The following RSPO2 variants were observed in gnomAD, a reference collection of about 807,000 sequenced individuals.
The protein encoded by RSPO2 is R-spondin 2, also known as R-spondin-2.
RSPO2 carries 14 observed loss-of-function variants against 30.9 expected under a neutral mutation model. The observed-to-expected ratio is 0.45, with a 90% confidence interval of 0.30 to 0.71. The LOEUF (loss-of-function observed/expected upper bound fraction) is 0.71, where lower values mean the gene tolerates loss of function less well. RSPO2 is among the 30% of genes least tolerant of loss of function. The pLI, the probability that RSPO2 is intolerant of heterozygous loss-of-function variation, is 0.08. For missense variants in RSPO2, 264 were observed against 301.9 expected (o/e 0.87, Z 0.93); for synonymous variants, 107 against 96.4 (o/e 1.11, Z -0.64).
intron 5 of RSPO2, among the ~76,000 whole-genome samples, chr8:107,934,371 C>CTT (rs3039296): frequency 7.1e-6 from 1 of 141,834 alleles, no homozygotes. Context: ...TCTCATTTCC[C>CTT]TTTTTTTTTT....
chr8:108,042,860 C>T (rs191096323), intron 2 of RSPO2, among the ~76,000 whole-genome samples: 46 of 152,218 alleles, frequency 3.0e-4, no homozygotes, highest in Admixed American at 2.0e-3. Context: ...TTAGACCCTC[C>T]TTCCTTCACA....
At chr8:107,946,874 C>T (rs533529452) in intron 5 of RSPO2, among the ~76,000 whole-genome samples, 1 of 152,184 alleles carries the variant, frequency 6.6e-6, no homozygotes, top group Non-Finnish European at 1.5e-5. Context: ...CATACAAAGA[C>T]ATCCACCATC....
chr8:107,958,732 G>A (rs1179541890), intron 4 of RSPO2, among the ~76,000 whole-genome samples: 1 of 152,014 alleles, frequency 6.6e-6, no homozygotes, highest in Non-Finnish European at 1.5e-5. Context: ...AGTGTGTGTT[G>A]TTTCCCGCCA....
chr8:108,043,857 A>G (rs1464894873), intron 2 of RSPO2, among the ~76,000 whole-genome samples: 1 of 152,136 alleles, frequency 6.6e-6, no homozygotes, highest in East Asian at 1.9e-4. Flanking sequence ...TGTGCAAAAC[A>G]TTGTCTTAAT....
At chr8:108,050,633 T>C (rs1261325263) in intron 2 of RSPO2, among the ~76,000 whole-genome samples, 1 of 152,170 alleles carries the variant, frequency 6.6e-6, no homozygotes, top group East Asian at 1.9e-4. Context: ...AAATCCCATT[T>C]GGAATGAACA....
intron 2 of RSPO2, among the ~76,000 whole-genome samples, chr8:108,049,217 T>C (rs1187721610): frequency 6.6e-6 from 1 of 151,902 alleles, no homozygotes; most frequent in East Asian, 1.9e-4. Flanking sequence ...CTGCACGTTC[T>C]GCACATGTAC....
intron 3 of RSPO2, among the ~76,000 whole-genome samples, chr8:107,965,827 G>A (rs567349620): frequency 3.3e-5 from 5 of 152,286 alleles, no homozygotes; most frequent in African/African-American, 1.2e-4. Flanking sequence ...AGCCATACTT[G>A]TTGTAAAGAA....
chr8:108,062,890 T>C (rs189830678), intron 2 of RSPO2, among the ~76,000 whole-genome samples: 9 of 151,930 alleles, frequency 5.9e-5, no homozygotes, highest in African/African-American at 2.2e-4. Context: ...CGCAAATCAA[T>C]AAATGTAATC....
chr8:107,965,963 G>C (rs1315158926), intron 3 of RSPO2, among the ~76,000 whole-genome samples: 1 of 152,114 alleles, frequency 6.6e-6, no homozygotes, highest in East Asian at 1.9e-4. Context: ...AAGTTTTAGG[G>C]AGACAAGAAG....
intron 2 of RSPO2, among the ~76,000 whole-genome samples, chr8:108,044,723 G>A (rs906234615): frequency 2.6e-5 from 4 of 152,044 alleles, no homozygotes; most frequent in Admixed American, 2.0e-4. Flanking sequence ...TATATACGTG[G>A]TAATGATATT....
At chr8:108,038,395 T>G (rs953032083) in intron 2 of RSPO2, among the ~76,000 whole-genome samples, 1 of 152,226 alleles carries the variant, frequency 6.6e-6, no homozygotes, top group African/African-American at 2.4e-5. Flanking sequence ...TGGAATCTAC[T>G]CCTGGTGAGA....
chr8:108,064,341 C>T (rs536264102), intron 2 of RSPO2, among the ~76,000 whole-genome samples: 2 of 152,142 alleles, frequency 1.3e-5, no homozygotes, highest in South Asian at 4.2e-4. Context: ...AAAAAAACAA[C>T]CCCATCCAAA....
chr8:107,920,775 C>T lies in RSPO2; in HGVS notation c.617-19585G>A, dbSNP rs776097404. Among the ~76,000 whole-genome samples, 46 of 152,016 alleles carry T rather than the reference C, an allele frequency of 3.0e-4. 1 individual carries two copies. The highest frequency in any genetic ancestry group is 1.1e-3 in the Admixed American group (17 of 15,234). On this transcript the variant is annotated intron_variant, in intron 5 of 5. Coordinates refer to ENST00000276659, the MANE Select transcript of RSPO2 (RefSeq NM_178565.5). ...AGGTAAAGAGTTCCTTCCCCAAATG[C>T]CACTATGGGAATTTTCTATATTATC... is the stretch of plus-strand genomic sequence containing the variant.
chr8:108,065,289 GA>G (rs533689799), intron 2 of RSPO2, among the ~76,000 whole-genome samples: 1,325 of 78,190 alleles, frequency 0.017, 4 homozygotes, highest in African/African-American at 0.025. Flanking sequence ...CTCAGAAATT[GA>G]AAAAAAAAAA....
At position 108,056,033 on chromosome 8, in the gene RSPO2, G is replaced by GAGAAAA. The variant is rs1812231822; in HGVS notation, c.94+26506_94+26511dup. ...CCCTCAGATTCATCTTTAAGATGGAGAGAAAAATAGGTCTACCTCACAAGG... is the reference window on the plus strand; with the variant it reads ...CCCTCAGATTCATCTTTAAGATGGAGAGAAAAAGAAAAATAGGTCTACCTCACAAGG... On this transcript the variant is annotated intron_variant, in intron 2 of 5. Transcript: ENST00000276659. 2.6e-5 allele frequency among the ~76,000 whole-genome samples: 4 copies of GAGAAAA among 152,274 alleles called. No individual in the cohort carries two copies. In the South Asian group the frequency reaches 8.3e-4, roughly 32 times the overall value.
At chr8:107,925,381 T>G (rs2130323888) in intron 5 of RSPO2, among the ~76,000 whole-genome samples, 1 of 151,330 alleles carries the variant, frequency 6.6e-6, no homozygotes, top group Admixed American at 6.6e-5. Flanking sequence ...GGATTTGTGT[T>G]TTTTTTCTTT....
intron 5 of RSPO2, among the ~76,000 whole-genome samples, chr8:107,904,117 T>C (rs553835945): frequency 5.2e-4 from 79 of 152,174 alleles, no homozygotes; most frequent in African/African-American, 1.8e-3. Context: ...ATAATAGACA[T>C]ACAAACGTGC....
At chr8:108,077,814 A>AG (rs1472572589) in intron 2 of RSPO2, among the ~76,000 whole-genome samples, 1 of 152,194 alleles carries the variant, frequency 6.6e-6, no homozygotes, top group Non-Finnish European at 1.5e-5. Context: ...CAGTTAATGG[A>AG]GAAAAAATAA....
At chr8:107,966,929 T>C (rs1234540463) in intron 3 of RSPO2, among the ~76,000 whole-genome samples, 2 of 152,332 alleles carry the variant, frequency 1.3e-5, no homozygotes, top group East Asian at 3.9e-4. Context: ...TATGTTCTCT[T>C]ATTTCTTCAT....
Sources: gnomAD v4.1 joint callset for allele counts (sites outside exome capture counted in the v4.1 genomes callset) on GRCh38, gnomAD v4.1.1 for gene constraint, MANE v1.5 for transcripts, NCBI Gene and HGNC (gene_info 2026-07-23, HGNC 2026-07-21) for gene names.